The following PPP2R3A variants were observed in gnomAD, a reference collection of about 807,000 sequenced individuals.
The protein encoded by PPP2R3A is protein phosphatase 2 regulatory subunit B''alpha.
Under a neutral mutation model 106.9 loss-of-function variants are expected in PPP2R3A, and 80 were observed. The observed-to-expected ratio is 0.75, with a 90% confidence interval of 0.62 to 0.90. The LOEUF is 0.90. Ranked by LOEUF, PPP2R3A falls within the 40% of genes least tolerant of loss-of-function variation. The pLI is 0.00. For missense variants in PPP2R3A, 1,386 were observed against 1,350.4 expected (o/e 1.03, Z -0.41); for synonymous variants, 483 against 468.3 (o/e 1.03, Z -0.41).
chr3:136,025,756 A>C (rs932028817), intron 2 of PPP2R3A, among the ~76,000 whole-genome samples: 1 of 152,112 alleles, frequency 6.6e-6, no homozygotes, highest in Non-Finnish European at 1.5e-5. Flanking sequence ...TACCTATACA[A>C]TGTATTTAGC....
At chr3:136,122,451 C>A (rs1423703973) in intron 13 of PPP2R3A, among the ~76,000 whole-genome samples, 3 of 152,150 alleles carry the variant, frequency 2.0e-5, no homozygotes, top group South Asian at 2.1e-4. Flanking sequence ...CAAAAACCCA[C>A]ATATATGAAA....
At chr3:136,038,851 A>C (rs1935167113) in intron 3 of PPP2R3A, among the ~76,000 whole-genome samples, 1 of 152,246 alleles carries the variant, frequency 6.6e-6, no homozygotes, top group Non-Finnish European at 1.5e-5. Flanking sequence ...TTATGTATAC[A>C]ATAAACAAAA....
chr3:136,107,576 T>A (rs1430291610), intron 13 of PPP2R3A, among the ~76,000 whole-genome samples: 1 of 151,798 alleles, frequency 6.6e-6, no homozygotes, highest in East Asian at 1.9e-4. Context: ...ATAGATAAAG[T>A]CAAATAGTCC....
At chr3:136,132,466 A>G (rs1938463989) in intron 13 of PPP2R3A, among the ~76,000 whole-genome samples, 2 of 152,166 alleles carry the variant, frequency 1.3e-5, no homozygotes, top group African/African-American at 4.8e-5. Context: ...GTATTTCTAT[A>G]TACTAGCAAT....
chr3:136,047,518 T>A (rs143452405), intron 4 of PPP2R3A, among the ~76,000 whole-genome samples: 16 of 152,252 alleles, frequency 1.1e-4, no homozygotes, highest in African/African-American at 3.9e-4. Context: ...TGGAGACCAT[T>A]ATCCTAAGCA....
rs1160008622 is a variant in PPP2R3A at position 136,061,995 on chromosome 3, T to C, written c.2470-8483T>C. Among the ~76,000 whole-genome samples the C allele has an allele frequency of 2.7e-5, 4 of 150,012 alleles. No homozygotes were observed. In the East Asian group the frequency reaches 7.8e-4, roughly 29 times the overall value. On this transcript the variant is annotated intron_variant, in intron 5 of 13. Coordinates refer to ENST00000264977, the MANE Select transcript of PPP2R3A (RefSeq NM_002718.5). Reference sequence around the variant, plus strand: ...TTTCTTTAAGACACATGCATAAACATGTCCTTGAAGTTTTGGAAAAATGTA... The same window carrying C: ...TTTCTTTAAGACACATGCATAAACACGTCCTTGAAGTTTTGGAAAAATGTA...
intron 13 of PPP2R3A, among the ~76,000 whole-genome samples, chr3:136,141,983 A>T (rs1028085589): frequency 2.6e-5 from 4 of 152,196 alleles, no homozygotes; most frequent in Non-Finnish European, 4.4e-5. Flanking sequence ...GGGAAAGATG[A>T]GTTCAAGTTT....
chr3:136,062,223 G>A (rs181565375), intron 5 of PPP2R3A, among the ~76,000 whole-genome samples: 216 of 152,174 alleles, frequency 1.4e-3, no homozygotes, highest in African/African-American at 4.8e-3. Flanking sequence ...CATATATACT[G>A]CAGCAAAGTA....
At chr3:135,966,516 C>T (rs1354225783) in intron 1 of PPP2R3A, among the ~76,000 whole-genome samples, 4 of 152,174 alleles carry the variant, frequency 2.6e-5, no homozygotes, top group African/African-American at 7.2e-5. Flanking sequence ...GCCGCCGCCG[C>T]GGAGGGGCGT....
chr3:136,145,440 A>C lies in PPP2R3A; in HGVS notation c.*274A>C. 4.3e-6 allele frequency: 1 copy of C among 233,820 alleles called. No homozygotes were observed. The allele number at this position is 233,820 out of a possible 1,614,324, so 14.5% of individuals were successfully genotyped here. ...CTCTACACTCTTGAATGTACCAAGG[A>C]TCTCTTGGCGACAGTACCAAGCACG... On this transcript the variant is annotated 3_prime_UTR_variant, in exon 14 of 14. Transcript: ENST00000264977.
At position 135,987,823 on chromosome 3, in the gene PPP2R3A, G is replaced by T. The variant is rs1248474656; in HGVS notation, c.-440-13236G>T. On this transcript the variant is annotated intron_variant, in intron 1 of 13. Coordinates refer to ENST00000264977, the MANE Select transcript of PPP2R3A (RefSeq NM_002718.5). ...TATTTCAAGTGCTCAATAGCCACAT[G>T]TAGGAAGTGGCTGCTATTGCATGGT... is the stretch of plus-strand genomic sequence containing the variant. Among the ~76,000 whole-genome samples, 3 of 152,294 alleles carry T rather than the reference G, an allele frequency of 2.0e-5. No individual in the cohort carries two copies. The East Asian group carries it at 5.8e-4, about 29-fold the overall frequency.
chr3:135,967,899 T>G (rs180775687), intron 1 of PPP2R3A, among the ~76,000 whole-genome samples: 8 of 152,330 alleles, frequency 5.3e-5, no homozygotes, highest in African/African-American at 1.9e-4. Context: ...GTAGGATGTT[T>G]AGCAGCATTT....
At position 136,145,148 on chromosome 3, in the gene PPP2R3A, A is replaced by G; in HGVS notation, c.3435A>G (p.Gln1145=). The change falls in exon 14 of 14, where the codon CAA becomes CAG. Residue 1145 remains glutamine, a synonymous_variant. Transcript: ENST00000264977. ...TTCCAGAGAAATGTGGAAAGCTTCA[A>G]TCAGTGGATGAAGAATAGCTGCCGG... ...ASLPEKCGKL[Q]SVDEE The G allele has an allele frequency of 6.2e-7, 1 of 1,611,662 alleles. No individual in the cohort carries two copies. Among genetic ancestry groups the G allele is most frequent in the Admixed American group, 1.7e-5 (1 of 59,362 alleles).
intron 1 of PPP2R3A, among the ~76,000 whole-genome samples, 169 bp from the exon 2 acceptor site, chr3:136,000,890 A>G (rs759115626): frequency 3.3e-5 from 5 of 152,208 alleles, no homozygotes; most frequent in Non-Finnish European, 7.3e-5. Context: ...ACTCTAGGCA[A>G]TAAGGAGTAT....
At chr3:136,075,519 G>A (rs1232202995) in intron 6 of PPP2R3A, among the ~76,000 whole-genome samples, 4 of 152,138 alleles carry the variant, frequency 2.6e-5, no homozygotes, top group Non-Finnish European at 5.9e-5. Flanking sequence ...TGGAAAAATG[G>A]AATACAAATA....
intron 6 of PPP2R3A, among the ~76,000 whole-genome samples, chr3:136,075,464 A>G (rs1336589753): frequency 6.6e-6 from 1 of 152,188 alleles, no homozygotes; most frequent in East Asian, 1.9e-4. Context: ...GAAACCAACA[A>G]ATGTGCTGAT....
chr3:136,067,018 A>G (rs1389486451), intron 5 of PPP2R3A, among the ~76,000 whole-genome samples: 2 of 152,226 alleles, frequency 1.3e-5, no homozygotes, highest in Non-Finnish European at 2.9e-5. Context: ...AGGCACTTCA[A>G]CAAAGATCAG....
intron 13 of PPP2R3A, among the ~76,000 whole-genome samples, chr3:136,119,737 G>C (rs9754957): frequency 6.6e-6 from 1 of 152,286 alleles, no homozygotes; most frequent in East Asian, 1.9e-4. Flanking sequence ...GTGGAGAATA[G>C]GAATGCTTTT....
intron 13 of PPP2R3A, among the ~76,000 whole-genome samples, chr3:136,133,590 G>T (rs1938501201): frequency 6.6e-6 from 1 of 151,990 alleles, no homozygotes; most frequent in Non-Finnish European, 1.5e-5. Flanking sequence ...CATACATTTG[G>T]CTTATGAATC....
Sources: allele counts gnomAD v4.1 joint callset (sites outside exome capture counted in the v4.1 genomes callset), GRCh38; gene constraint gnomAD v4.1.1; transcripts MANE v1.5; gene names NCBI Gene and HGNC (gene_info 2026-07-23, HGNC 2026-07-21).